Variants in MACF1 observed in about 807,000 individuals in gnomAD.
The protein encoded by MACF1 is microtubule actin crosslinking factor 1, also known as microtubule-actin cross-linking factor 1.
In MACF1, 193 loss-of-function variants were observed where a neutral mutation model predicts 854.8. The ratio of observed to expected loss-of-function variants is 0.23; its 90% confidence interval spans 0.20 to 0.25. The LOEUF is 0.25. Ranked by LOEUF, MACF1 falls within the 10% of genes least tolerant of loss-of-function variation. The pLI is 1.00. For missense variants in MACF1, 7,722 were observed against 8,929.1 expected, an observed-to-expected ratio of 0.86 and a Z score of 5.45; for synonymous variants, 3,185 against 3,226.7, an observed-to-expected ratio of 0.99 and a Z score of 0.44.
At chr1:39,319,571 G>C (rs994656436) in intron 30 of MACF1, 93 bp from the exon 31 acceptor site, 2 of 844,742 alleles carry the variant, frequency 2.4e-6, no homozygotes, top group African/African-American at 1.7e-5. Flanking sequence ...ATGCAGCTAA[G>C]GTTTGGAAAC....
At chr1:39,144,184 G>A (rs1339927101) in intron 2 of MACF1, among the ~76,000 whole-genome samples, 1 of 149,010 alleles carries the variant, frequency 6.7e-6, no homozygotes, top group Non-Finnish European at 1.5e-5. Context: ...AGGTTCAAGC[G>A]ATTCTCCTGC....
intron 58 of MACF1, chr1:39,414,258 AG>A: frequency 6.2e-7 from 1 of 1,614,040 alleles, no homozygotes; most frequent in Non-Finnish European, 8.5e-7. Flanking sequence ...CTATGGAGGA[AG>A]TTTCCCCCAT....
chr1:39,260,759 A>G (rs530282129), intron 6 of MACF1, among the ~76,000 whole-genome samples: 11 of 152,276 alleles, frequency 7.2e-5, no homozygotes, highest in African/African-American at 2.2e-4. Context: ...AAAAAACCCC[A>G]TGAATTTTTA....
chr1:39,329,815 G>C (rs1259371151), intron 36 of MACF1, among the ~76,000 whole-genome samples: 1 of 152,188 alleles, frequency 6.6e-6, no homozygotes, highest in African/African-American at 2.4e-5. Flanking sequence ...TCTAGGATTT[G>C]CAAGGGTAAT....
intron 2 of MACF1, among the ~76,000 whole-genome samples, chr1:39,179,143 T>C (rs1034597859): frequency 1.3e-5 from 2 of 152,234 alleles, no homozygotes; most frequent in Non-Finnish European, 2.9e-5. Context: ...CCTGCCCTTA[T>C]TCAATTTCAT....
chr1:39,137,802 G>A (rs931207509), intron 2 of MACF1, among the ~76,000 whole-genome samples: 2 of 152,108 alleles, frequency 1.3e-5, no homozygotes, highest in Non-Finnish European at 2.9e-5. Flanking sequence ...GGCCAGGCGT[G>A]GTGGGTCATG....
intron 2 of MACF1, among the ~76,000 whole-genome samples, chr1:39,241,057 T>G (rs1479670848): frequency 4.6e-5 from 7 of 151,984 alleles, no homozygotes; most frequent in South Asian, 4.2e-4. Flanking sequence ...TCTGTTTTTT[T>G]TTTTTTTTTT....
intron 98 of MACF1, among the ~76,000 whole-genome samples, chr1:39,480,334 G>A (rs1161991403): frequency 6.6e-6 from 1 of 152,180 alleles, no homozygotes; most frequent in Non-Finnish European, 1.5e-5. Context: ...AATCCAGGCT[G>A]GACACAGTGG....
intron 2 of MACF1, among the ~76,000 whole-genome samples, chr1:39,190,907 C>T (rs184227379): frequency 2.2e-4 from 33 of 152,164 alleles, no homozygotes; most frequent in Admixed American, 5.9e-4. Context: ...GCACGAGAAT[C>T]GCTTGAACCT....
intron 2 of MACF1, among the ~76,000 whole-genome samples, chr1:39,100,015 A>T (rs1170729947): frequency 2.6e-5 from 4 of 152,186 alleles, no homozygotes; most frequent in Non-Finnish European, 5.9e-5. Flanking sequence ...CAAGAGTTCG[A>T]GACCAGCCTG....
chr1:39,371,932 G>C (rs1649287458), intron 51 of MACF1, among the ~76,000 whole-genome samples: 1 of 151,548 alleles, frequency 6.6e-6, no homozygotes, highest in Admixed American at 6.6e-5. Context: ...TCCCGTCTCA[G>C]CGCCCTGAGT....
At chr1:39,273,997 C>T (rs1645383292) in intron 6 of MACF1, among the ~76,000 whole-genome samples, 1 of 152,118 alleles carries the variant, frequency 6.6e-6, no homozygotes, top group Admixed American at 6.5e-5. Context: ...AGGCCTTTTA[C>T]AGATACATAC....
chr1:39,465,110 C>A lies in MACF1; in HGVS notation c.21769C>A (p.Gln7257Lys). Residue 7257 changes from glutamine to lysine, a missense_variant and splice_region_variant, in exon 95 of 101, where the codon CAG (glutamine) becomes AAG (lysine). Gln to Lys is a moderately conservative substitution (Grantham distance 53). Coordinates refer to ENST00000564288, the MANE Select transcript of MACF1 (RefSeq NM_001394062.1). The part of the protein sequence containing the change: ...ENKYRFFLGN[Q>K]FGDSQQLRLV... ...CTGTCTATAGTTCTTCCTCGGCAAT[C>A]AGGTACAGTGTGCCTTGCAATGTTC... 6.2e-7 allele frequency: 1 copy of A among 1,613,116 alleles called. No homozygotes were observed. The highest frequency in any genetic ancestry group is 2.2e-5 in the East Asian group (1 of 44,868).
At chr1:39,128,331 C>T (rs915556459) in intron 2 of MACF1, among the ~76,000 whole-genome samples, 1 of 152,088 alleles carries the variant, frequency 6.6e-6, no homozygotes, top group Admixed American at 6.5e-5. Context: ...AAGCAGTGCC[C>T]CCTGAGTAGC....
Position 39,469,533 on chromosome 1 carries a change from A to G in MACF1, c.21890-14A>G, listed in dbSNP as rs1644736687. On this transcript the variant is annotated splice_polypyrimidine_tract_variant and intron_variant, in intron 96 of 100. Transcript: ENST00000564288. ...CCTGTCTGTTTCTTTCTGTTTACGT[A>G]TTTTTTATTCTAGTTCACCATCCTG... The G allele has an allele frequency of 6.5e-7, 1 of 1,543,688 alleles. No homozygotes were observed.
intron 40 of MACF1, among the ~76,000 whole-genome samples, chr1:39,341,669 GC>G: frequency 6.6e-6 from 1 of 151,832 alleles, no homozygotes; most frequent in Non-Finnish European, 1.5e-5. Flanking sequence ...TTGCACTCCA[GC>G]TTGGGCAACA....
chr1:39,151,239 G>C (rs952260967), intron 2 of MACF1, among the ~76,000 whole-genome samples: 2 of 152,222 alleles, frequency 1.3e-5, no homozygotes, highest in South Asian at 4.1e-4. Context: ...ATAAAACAGC[G>C]ATCAAATGCT....
At chr1:39,182,605 G>T (rs1001660403) in intron 2 of MACF1, among the ~76,000 whole-genome samples, 3 of 152,146 alleles carry the variant, frequency 2.0e-5, no homozygotes, top group Non-Finnish European at 4.4e-5. Flanking sequence ...ATGAAAAGAT[G>T]CTTAGATGCT....
chr1:39,373,822 C>T (rs369956726), intron 52 of MACF1, among the ~76,000 whole-genome samples: 77 of 149,684 alleles, frequency 5.1e-4, no homozygotes, highest in Middle Eastern at 6.9e-3. Context: ...CACTGTATTC[C>T]AGCCTGGGCG....
Sources: gnomAD v4.1 joint callset for allele counts (sites outside exome capture counted in the v4.1 genomes callset) on GRCh38, gnomAD v4.1.1 for gene constraint, MANE v1.5 for transcripts, NCBI Gene and HGNC (gene_info 2026-07-23, HGNC 2026-07-21) for gene names.